Variants in PDZRN3 observed in about 807,000 individuals in gnomAD.
PDZRN3 encodes the protein E3 ubiquitin-protein ligase PDZRN3.
PDZRN3 carries 38 observed loss-of-function variants against 85.7 expected under a neutral mutation model. The ratio of observed to expected loss-of-function variants is 0.44; its 90% CI spans 0.34 to 0.58. PDZRN3 has a LOEUF of 0.58. PDZRN3 is among the 20% of genes least tolerant of loss of function. The probability of loss-of-function intolerance (pLI) is 0.01; values close to 1 mark genes in which losing one functional copy is unlikely to be tolerated. For missense variants in PDZRN3, 1,629 were observed against 1,506.4 expected (o/e 1.08, Z -1.35); for synonymous variants, 759 against 638.0 (o/e 1.19, Z -2.86).
chr3:73,469,150 T>C (rs1188802937), intron 3 of PDZRN3, among the ~76,000 whole-genome samples: 3 of 151,792 alleles, frequency 2.0e-5, no homozygotes, highest in Non-Finnish European at 4.4e-5. Context: ...CTCGGCTCAC[T>C]GCAACCTCCG....
At chr3:73,496,131 A>C (rs1703861231) in intron 3 of PDZRN3, among the ~76,000 whole-genome samples, 2 of 152,200 alleles carry the variant, frequency 1.3e-5, no homozygotes, top group African/African-American at 4.8e-5. Context: ...ATTTATTTTT[A>C]AAGTGAAATG....
intron 3 of PDZRN3, among the ~76,000 whole-genome samples, chr3:73,522,301 C>G (rs1206030870): frequency 6.6e-6 from 1 of 152,196 alleles, no homozygotes; most frequent in Non-Finnish European, 1.5e-5. Context: ...ATCTTCCTCA[C>G]AAGTGGAATT....
chr3:73,419,374 TATC>T (rs1488110841), intron 3 of PDZRN3, among the ~76,000 whole-genome samples: 1 of 152,086 alleles, frequency 6.6e-6, no homozygotes, highest in African/African-American at 2.4e-5. Flanking sequence ...TCAGTGTAGT[TATC>T]AAGTGTGCCC....
At chr3:73,455,645 T>G (rs142062012) in intron 3 of PDZRN3, among the ~76,000 whole-genome samples, 27 of 152,244 alleles carry the variant, frequency 1.8e-4, no homozygotes, top group Non-Finnish European at 2.8e-4. Context: ...TGAACAACCT[T>G]TATTTATCTC....
At chr3:73,453,687 G>C (rs1246132781) in intron 3 of PDZRN3, among the ~76,000 whole-genome samples, 2 of 152,048 alleles carry the variant, frequency 1.3e-5, no homozygotes, top group African/African-American at 4.8e-5. Flanking sequence ...AACACAGTTT[G>C]AAAAACTCTT....
chr3:73,485,974 C>T (rs997344326), intron 3 of PDZRN3, among the ~76,000 whole-genome samples: 1 of 152,202 alleles, frequency 6.6e-6, no homozygotes, highest in African/African-American at 2.4e-5. Flanking sequence ...TTTCCAATTT[C>T]TTTAAGTGAA....
intron 2 of PDZRN3, among the ~76,000 whole-genome samples, chr3:73,608,065 A>C (rs1702629245): frequency 6.6e-6 from 1 of 152,204 alleles, no homozygotes; most frequent in South Asian, 2.1e-4. Context: ...GCAGATTTGA[A>C]TTCGGCCTCT....
chr3:73,481,626 G>A (rs890844457), intron 3 of PDZRN3, among the ~76,000 whole-genome samples: 1 of 151,472 alleles, frequency 6.6e-6, no homozygotes, highest in African/African-American at 2.4e-5. Flanking sequence ...CACCACACCT[G>A]GCCTGAGGGC....
At chr3:73,525,425 T>C (rs989215683) in intron 3 of PDZRN3, among the ~76,000 whole-genome samples, 1 of 152,220 alleles carries the variant, frequency 6.6e-6, no homozygotes, top group Non-Finnish European at 1.5e-5. Context: ...TCCTTCCTTC[T>C]GTTTTCCCAC....
intron 3 of PDZRN3, among the ~76,000 whole-genome samples, chr3:73,576,442 G>A (rs1485445993): frequency 6.6e-6 from 1 of 152,140 alleles, no homozygotes; most frequent in Admixed American, 6.5e-5. Flanking sequence ...GTTCCAGTGT[G>A]CCAAAGAAGA....
In PDZRN3 at chr3:73,388,087, GGGGT is replaced by G; in HGVS notation, c.1417-22_1417-19del. 8.7e-7 allele frequency: 1 copy of G among 1,153,866 alleles called. No homozygotes were observed. The highest frequency in any genetic ancestry group is 1.3e-6 in the Non-Finnish European group (1 of 799,448). The allele number at this position is 1,153,866 out of a possible 1,614,324, so 71.5% of individuals were successfully genotyped here. A position where few individuals can be genotyped will look rare whatever the true frequency, so the allele number is the denominator to read the frequency against. ...CCATTAATCTTTTAAAAAAAAAGGG[GGGGT>G]GGGGAGAGTGGGGAGACAAATAGCA... On this transcript the variant is annotated intron_variant, in intron 7 of 9. Coordinates refer to ENST00000263666, the MANE Select transcript of PDZRN3 (RefSeq NM_015009.3).
intron 3 of PDZRN3, among the ~76,000 whole-genome samples, chr3:73,482,672 T>C (rs1056635988): frequency 3.9e-5 from 6 of 152,194 alleles, no homozygotes; most frequent in African/African-American, 1.4e-4. Flanking sequence ...AAACACACTT[T>C]AAGGAGTTGG....
At chr3:73,434,071 C>G (rs914211676) in intron 3 of PDZRN3, 8 of 464,302 alleles carry the variant, frequency 1.7e-5, no homozygotes, top group Non-Finnish European at 5.7e-6. Context: ...CTATTCATAA[C>G]AGACAATGAT....
At chr3:73,519,359 C>T (rs374354061) in intron 3 of PDZRN3, among the ~76,000 whole-genome samples, 3 of 152,204 alleles carry the variant, frequency 2.0e-5, no homozygotes, top group East Asian at 3.9e-4. Flanking sequence ...AATGCCAGCA[C>T]GAAGGCTATT....
At chr3:73,573,266 C>A (rs1044472726) in intron 3 of PDZRN3, among the ~76,000 whole-genome samples, 6 of 152,120 alleles carry the variant, frequency 3.9e-5, no homozygotes, top group South Asian at 2.1e-4. Flanking sequence ...ATATAAAGCA[C>A]CCAGAATCAT....
intron 5 of PDZRN3, among the ~76,000 whole-genome samples, chr3:73,391,803 T>G (rs1403564649): frequency 1.3e-5 from 2 of 152,204 alleles, no homozygotes; most frequent in Non-Finnish European, 2.9e-5. Context: ...GGTGCCATCC[T>G]AGGGCTCTCA....
chr3:73,567,282 G>T (rs9860595), intron 3 of PDZRN3, among the ~76,000 whole-genome samples: 6 of 152,236 alleles, frequency 3.9e-5, no homozygotes, highest in East Asian at 3.9e-4. Context: ...TTAATTATTT[G>T]CATATGTTGG....
chr3:73,401,076 T>C, intron 4 of PDZRN3, 67 bp from the exon 5 acceptor site: 2 of 1,181,306 alleles, frequency 1.7e-6, no homozygotes, highest in Non-Finnish European at 2.5e-6. Context: ...CTTACACCCA[T>C]TGTCAGGCCA....
chr3:73,401,227 T>C lies in PDZRN3; in HGVS notation c.1167-218A>G, dbSNP rs560387528. 7 of 503,238 alleles carry C rather than the reference T, an allele frequency of 1.4e-5. No homozygotes were observed. The South Asian group carries it at 1.4e-4, about 10-fold the overall frequency. The allele number at this position is 503,238 out of a possible 1,614,324, so 31.2% of individuals were successfully genotyped here. A position where few individuals can be genotyped will look rare whatever the true frequency, so the allele number is the denominator to read the frequency against. ...ACATTTCCTCCTGAAGGACTTAAGA[T>C]GCAAAGTGCAAGCCTGATGGGCTTT... On this transcript the variant is annotated intron_variant, in intron 4 of 9. Transcript: ENST00000263666.
Sources: gnomAD v4.1 joint callset for allele counts (sites outside exome capture counted in the v4.1 genomes callset) on GRCh38, gnomAD v4.1.1 for gene constraint, MANE v1.5 for transcripts, NCBI Gene and HGNC (gene_info 2026-07-23, HGNC 2026-07-21) for gene names.